HMGN3: variants seen among roughly 807,000 people sequenced by gnomAD.
HMGN3 encodes high mobility group nucleosomal binding domain 3.
A neutral mutation model predicts 18.8 loss-of-function variants in HMGN3; 6 were observed. The observed-to-expected ratio is 0.32, with a 90% CI of 0.18 to 0.63. HMGN3 has a LOEUF of 0.63. HMGN3 is among the 30% of genes least tolerant of loss of function. The pLI is 0.79. For missense variants in HMGN3, 107 were observed against 114.2 expected, an observed-to-expected ratio of 0.94 and a Z score of 0.29; for synonymous variants, 40 against 36.5, an observed-to-expected ratio of 1.10 and a Z score of -0.35.
intron 1 of HMGN3, among the ~76,000 whole-genome samples, chr6:79,226,902 G>GTC (rs1777590362): frequency 6.6e-6 from 1 of 152,180 alleles, no homozygotes; most frequent in Non-Finnish European, 1.5e-5. Flanking sequence ...GCTTGACCAA[G>GTC]AACCCCTACG....
intron 1 of HMGN3, among the ~76,000 whole-genome samples, chr6:79,222,805 T>C (rs1777368395): frequency 6.6e-6 from 1 of 152,212 alleles, no homozygotes; most frequent in Admixed American, 6.5e-5. Flanking sequence ...TAAACTCAAA[T>C]TACATTGATT....
chr6:79,224,334 G>C (rs774505160), intron 1 of HMGN3, among the ~76,000 whole-genome samples: 1 of 152,072 alleles, frequency 6.6e-6, no homozygotes, highest in Non-Finnish European at 1.5e-5. Context: ...TTCTAGAAGA[G>C]CAAAAGCCTT....
At chr6:79,205,066 G>A (rs1174566880) in intron 3 of HMGN3, among the ~76,000 whole-genome samples, 7 of 152,130 alleles carry the variant, frequency 4.6e-5, no homozygotes, top group Non-Finnish European at 8.8e-5. Flanking sequence ...AATCCTGCTG[G>A]CCTCTGAGGA....
intron 1 of HMGN3, among the ~76,000 whole-genome samples, chr6:79,232,290 T>C (rs1432557529): frequency 6.6e-6 from 1 of 152,166 alleles, no homozygotes; most frequent in Non-Finnish European, 1.5e-5. Flanking sequence ...CCAGTGAACT[T>C]CAGGATTCCA....
At chr6:79,208,599 T>C (rs1174927380) in intron 2 of HMGN3, 23 bp from the exon 3 acceptor site, 1 of 1,581,224 alleles carries the variant, frequency 6.3e-7, no homozygotes, top group Non-Finnish European at 8.7e-7. Context: ...TGGGAAAATA[T>C]ACATATTTTT....
chr6:79,224,459 C>T (rs1777461158), intron 1 of HMGN3, among the ~76,000 whole-genome samples: 1 of 152,110 alleles, frequency 6.6e-6, no homozygotes, highest in Non-Finnish European at 1.5e-5. Flanking sequence ...CAAACAATAA[C>T]CTATTAAAAA....
At chr6:79,212,343 T>C (rs1317858669) in intron 2 of HMGN3, among the ~76,000 whole-genome samples, 2 of 152,188 alleles carry the variant, frequency 1.3e-5, no homozygotes, top group Non-Finnish European at 2.9e-5. Flanking sequence ...TCCTCAAAAA[T>C]AGCACTTCTC....
chr6:79,226,696 T>C (rs1490061226), intron 1 of HMGN3, among the ~76,000 whole-genome samples: 1 of 152,238 alleles, frequency 6.6e-6, no homozygotes, highest in Non-Finnish European at 1.5e-5. Context: ...TTTGTGTTAA[T>C]TACTGACATT....
At chr6:79,226,597 C>G (rs907736784) in intron 1 of HMGN3, among the ~76,000 whole-genome samples, 1 of 152,102 alleles carries the variant, frequency 6.6e-6, no homozygotes, top group Admixed American at 6.5e-5. Flanking sequence ...ATTATGAATA[C>G]AAAACACGTA....
At chr6:79,211,172 G>A (rs1776670542) in intron 2 of HMGN3, among the ~76,000 whole-genome samples, 1 of 151,962 alleles carries the variant, frequency 6.6e-6, no homozygotes, top group Admixed American at 6.6e-5. Flanking sequence ...TTCTTTTCCA[G>A]TAGCTATCAT....
chr6:79,212,811 T>C (rs962971928), intron 2 of HMGN3, among the ~76,000 whole-genome samples: 1 of 152,140 alleles, frequency 6.6e-6, no homozygotes, highest in Non-Finnish European at 1.5e-5. Context: ...ACTGGAAAAT[T>C]CAGTCAATCC....
intron 1 of HMGN3, among the ~76,000 whole-genome samples, chr6:79,230,249 CA>C (rs1777775019): frequency 6.6e-6 from 1 of 152,046 alleles, no homozygotes; most frequent in South Asian, 2.1e-4. Context: ...CTAGATACAG[CA>C]AAAGTAGATT....
At chr6:79,223,216 A>G (rs1329799405) in intron 1 of HMGN3, among the ~76,000 whole-genome samples, 2 of 152,204 alleles carry the variant, frequency 1.3e-5, no homozygotes, top group East Asian at 3.8e-4. Context: ...CGTCTCTACT[A>G]AAAATACACA....
At chr6:79,202,700 T>C (rs1435420276) in intron 4 of HMGN3, among the ~76,000 whole-genome samples, 1 of 152,174 alleles carries the variant, frequency 6.6e-6, no homozygotes, top group Non-Finnish European at 1.5e-5. Flanking sequence ...GAAGTGGTTC[T>C]GCCATGGAGA....
At chr6:79,217,532 C>T (rs569423691) in intron 1 of HMGN3, among the ~76,000 whole-genome samples, 64 of 152,284 alleles carry the variant, frequency 4.2e-4, no homozygotes, top group African/African-American at 1.4e-3. Flanking sequence ...TAAAAAAGAT[C>T]TTTAGTCTTC....
At chr6:79,221,967 C>T (rs1009277456) in intron 1 of HMGN3, among the ~76,000 whole-genome samples, 1 of 144,820 alleles carries the variant, frequency 6.9e-6, no homozygotes, top group Non-Finnish European at 1.6e-5. Flanking sequence ...CACATAGGCT[C>T]TTAGTTACTT....
At chr6:79,210,613 C>T (rs1027932569) in intron 2 of HMGN3, among the ~76,000 whole-genome samples, 2 of 152,136 alleles carry the variant, frequency 1.3e-5, no homozygotes, top group African/African-American at 4.8e-5. Context: ...CAGAAACATA[C>T]AGCAACTGTG....
At chr6:79,234,472 G>A (rs1159565682) in intron 1 of HMGN3, 74 bp downstream of exon 1, 2 of 1,446,942 alleles carry the variant, frequency 1.4e-6, no homozygotes, top group Non-Finnish European at 9.7e-7. Context: ...CGTTCTGCGC[G>A]AGCCATTGCA....
chr6:79,224,312 G>A (rs1041584570), intron 1 of HMGN3, among the ~76,000 whole-genome samples: 1 of 152,164 alleles, frequency 6.6e-6, no homozygotes, highest in Non-Finnish European at 1.5e-5. Context: ...AAAACTGGGT[G>A]CAGATCTGGG....
Sources: allele counts gnomAD v4.1 joint callset (sites outside exome capture counted in the v4.1 genomes callset), GRCh38; gene constraint gnomAD v4.1.1; transcripts MANE v1.5; gene names NCBI Gene and HGNC (gene_info 2026-07-23, HGNC 2026-07-21).